The following CLSTN2 variants were observed in gnomAD, a reference collection of about 807,000 sequenced individuals.
CLSTN2 encodes calsyntenin 2, also known as calsyntenin-2.
CLSTN2 carries 48 observed loss-of-function variants against 101.2 expected under a neutral mutation model. The observed-to-expected ratio is 0.47, with a 90% CI of 0.38 to 0.60. CLSTN2 has a LOEUF of 0.60. Among genes scored for constraint, CLSTN2 ranks in the 20% least tolerant of loss-of-function variants. The probability of loss-of-function intolerance (pLI) is 0.00; values close to 1 mark genes in which losing one functional copy is unlikely to be tolerated. For synonymous variants in CLSTN2, 481 were observed against 463.6 expected, an observed-to-expected ratio of 1.04 and a Z score of -0.48; for missense variants, 1,160 against 1,238.2, an observed-to-expected ratio of 0.94 and a Z score of 0.95.
intron 11 of CLSTN2, 74 bp downstream of exon 11, chr3:140,556,735 A>C (rs1355857038): frequency 6.8e-7 from 1 of 1,461,018 alleles, no homozygotes; most frequent in African/African-American, 1.4e-5. Flanking sequence ...TCCCTTGGGA[A>C]TGTTCCCTCA....
chr3:140,102,768 TA>T (rs1339954874), intron 1 of CLSTN2, among the ~76,000 whole-genome samples: 1 of 152,096 alleles, frequency 6.6e-6, no homozygotes, highest in Non-Finnish European at 1.5e-5. Flanking sequence ...CAGAATGACA[TA>T]TGAAAACACA....
At chr3:140,048,678 C>T (rs1454483053) in intron 1 of CLSTN2, among the ~76,000 whole-genome samples, 1 of 152,030 alleles carries the variant, frequency 6.6e-6, no homozygotes, top group African/African-American at 2.4e-5. Context: ...TGACCTGGGG[C>T]AGGTAATGTC....
chr3:140,354,902 C>T (rs1359370395), intron 2 of CLSTN2, among the ~76,000 whole-genome samples: 2 of 152,188 alleles, frequency 1.3e-5, no homozygotes, highest in Admixed American at 6.5e-5. Flanking sequence ...TGCTCTTGCA[C>T]CTACTATTCT....
At chr3:140,138,867 G>A (rs2009654727) in intron 1 of CLSTN2, among the ~76,000 whole-genome samples, 1 of 152,192 alleles carries the variant, frequency 6.6e-6, no homozygotes, top group Non-Finnish European at 1.5e-5. Context: ...ATTTTTAAGA[G>A]GCAGTGTCGG....
At chr3:140,537,868 C>T (rs115100320) in intron 9 of CLSTN2, among the ~76,000 whole-genome samples, 2,067 of 152,244 alleles carry the variant, frequency 0.014, 52 homozygotes, top group African/African-American at 0.047. Flanking sequence ...TATAACCCAG[C>T]TGTGCAAGGG....
chr3:140,517,540 C>T (rs959192407), intron 8 of CLSTN2, among the ~76,000 whole-genome samples: 1 of 152,140 alleles, frequency 6.6e-6, no homozygotes, highest in Non-Finnish European at 1.5e-5. Context: ...CCCCCTTCCC[C>T]TAGGGATGTG....
intron 2 of CLSTN2, among the ~76,000 whole-genome samples, chr3:140,208,245 A>G (rs2010808856): frequency 6.6e-6 from 1 of 152,076 alleles, no homozygotes. Flanking sequence ...TTTCAAGGTA[A>G]CTCTTTATTG....
At chr3:140,133,805 C>T (rs1300360740) in intron 1 of CLSTN2, among the ~76,000 whole-genome samples, 1 of 152,168 alleles carries the variant, frequency 6.6e-6, no homozygotes, top group African/African-American at 2.4e-5. Context: ...CTTAGTCTCC[C>T]CATGCAGGTT....
intron 2 of CLSTN2, among the ~76,000 whole-genome samples, chr3:140,372,378 G>A (rs933168439): frequency 2.0e-5 from 3 of 152,180 alleles, no homozygotes; most frequent in Admixed American, 1.3e-4. Context: ...TATTTTGCTA[G>A]AGCATCTTTT....
chr3:139,955,626 G>A (rs1364566513), intron 1 of CLSTN2, among the ~76,000 whole-genome samples: 1 of 4,776 alleles, frequency 2.1e-4, no homozygotes, highest in Non-Finnish European at 3.0e-3. Context: ...CCAGTGCACA[G>A]GGACTTCTGT....
Position 140,569,471 on chromosome 3 carries a change from G to A in CLSTN2, c.*3218G>A, listed in dbSNP as rs1392547960. 6.6e-6 allele frequency: 1 copy of A among 152,220 alleles called. No individual in the cohort carries two copies. The highest frequency in any genetic ancestry group is 1.9e-4 in the East Asian group (1 of 5,196). 9.4% of individuals were successfully genotyped at this position (152,220 alleles called of 1,614,324 possible). On this transcript the variant is annotated 3_prime_UTR_variant, in exon 17 of 17. Coordinates refer to ENST00000458420, the MANE Select transcript of CLSTN2 (RefSeq NM_022131.3). ...ATGACATGGAGGAGAAGTTGGAGGA[G>A]AAGATTGAAATGCTTAAATCCCAGT...
intron 2 of CLSTN2, among the ~76,000 whole-genome samples, chr3:140,294,733 C>T (rs2086986731): frequency 6.6e-6 from 1 of 152,130 alleles, no homozygotes; most frequent in Non-Finnish European, 1.5e-5. Context: ...GCTGCTATAA[C>T]AAAGTACCAT....
chr3:140,092,572 T>G (rs1460073787), intron 1 of CLSTN2, among the ~76,000 whole-genome samples: 2 of 152,158 alleles, frequency 1.3e-5, no homozygotes, highest in Admixed American at 6.5e-5. Context: ...AGGACTGTGC[T>G]CCCAGCCACT....
At chr3:140,142,493 G>A (rs1265061344) in intron 1 of CLSTN2, among the ~76,000 whole-genome samples, 1 of 152,138 alleles carries the variant, frequency 6.6e-6, no homozygotes, top group Non-Finnish European at 1.5e-5. Context: ...GAGCTGGGCC[G>A]CCCTATCCAA....
At chr3:140,332,249 C>CG (rs1256165784) in intron 2 of CLSTN2, among the ~76,000 whole-genome samples, 1 of 152,068 alleles carries the variant, frequency 6.6e-6, no homozygotes, top group Non-Finnish European at 1.5e-5. Context: ...TTCAAATATA[C>CG]GAGGACAAGA....
chr3:140,458,305 C>G (rs1192443781), intron 6 of CLSTN2, among the ~76,000 whole-genome samples: 1 of 152,012 alleles, frequency 6.6e-6, no homozygotes, highest in Non-Finnish European at 1.5e-5. Context: ...TTAAACCCAT[C>G]AGAGTTTATG....
intron 1 of CLSTN2, among the ~76,000 whole-genome samples, chr3:139,966,946 C>G (rs1935611107): frequency 6.6e-6 from 1 of 152,188 alleles, no homozygotes; most frequent in Admixed American, 6.5e-5. Flanking sequence ...GGGTTCTAGT[C>G]TGTCCTCACG....
Position 140,573,738 on chromosome 3 carries a change from A to T in CLSTN2, c.*7485A>T, listed in dbSNP as rs767057485. On this transcript the variant is annotated 3_prime_UTR_variant, in exon 17 of 17. Transcript: ENST00000458420. ...AGACATGTAGCCTAGGAAAACTAGC[A>T]CCATCTGTTGAGTTCTGAAGAACCC... The T allele has an allele frequency of 6.6e-6, 1 of 152,248 alleles. No individual in the cohort carries two copies. The highest frequency in any genetic ancestry group is 2.4e-5 in the African/African-American group (1 of 41,444). 9.4% of individuals were successfully genotyped at this position (152,248 alleles called of 1,614,324 possible). A position where few individuals can be genotyped will look rare whatever the true frequency, so the allele number is the denominator to read the frequency against.
chr3:140,248,534 C>T (rs1413815879), intron 2 of CLSTN2, among the ~76,000 whole-genome samples: 1 of 152,142 alleles, frequency 6.6e-6, no homozygotes, highest in Non-Finnish European at 1.5e-5. Flanking sequence ...TGGGAGCTTC[C>T]AGCAATGTGC....
Sources: gnomAD v4.1 joint callset for allele counts (sites outside exome capture counted in the v4.1 genomes callset) on GRCh38, gnomAD v4.1.1 for gene constraint, MANE v1.5 for transcripts, NCBI Gene and HGNC (gene_info 2026-07-23, HGNC 2026-07-21) for gene names.